ZMYND11: variants seen among roughly 807,000 people sequenced by gnomAD.
ZMYND11 encodes zinc finger MYND domain-containing protein 11.
Under a neutral mutation model 84.9 loss-of-function variants are expected in ZMYND11, and 9 were observed. The observed-to-expected ratio is 0.11, with a 90% CI of 0.06 to 0.18. The LOEUF is 0.18. Ranked by LOEUF, ZMYND11 falls within the 10% of genes least tolerant of loss-of-function variation. ZMYND11 has a pLI of 1.00. For synonymous variants in ZMYND11, 250 were observed against 244.1 expected (o/e 1.02, Z -0.23); for missense variants, 409 against 761.0 (o/e 0.54, Z 5.44).
intron 2 of ZMYND11, among the ~76,000 whole-genome samples, chr10:206,165 G>A (rs1944126471): frequency 6.6e-6 from 1 of 152,084 alleles, no homozygotes; most frequent in African/African-American, 2.4e-5. Context: ...TTCAAGACTA[G>A]CCTGACCAAC....
chr10:138,741 G>A (rs1836743657), intron 1 of ZMYND11, among the ~76,000 whole-genome samples: 1 of 147,054 alleles, frequency 6.8e-6, no homozygotes, highest in Non-Finnish European at 1.5e-5. Context: ...TCAGCAAAGA[G>A]GATGTATCTT....
intron 3 of ZMYND11, among the ~76,000 whole-genome samples, 190 bp from the exon 4 acceptor site, chr10:221,005 C>G (rs1422828311): frequency 2.0e-5 from 3 of 152,180 alleles, no homozygotes; most frequent in African/African-American, 4.8e-5. Context: ...AATATTACCA[C>G]TGTTTTAGGA....
At position 228,494 on chromosome 10, in the gene ZMYND11, C is replaced by T. The variant is rs567733984; in HGVS notation, c.438+7138C>T. ...AAAGTTCATGAACAGAAAATACTTA[C>T]AAAGTACATGCAGTTTCCTTGTGCT... On this transcript the variant is annotated intron_variant, in intron 4 of 14. Transcript: ENST00000381604. Among the ~76,000 whole-genome samples the T allele has an allele frequency of 2.6e-5, 4 of 152,252 alleles. No individual in the cohort carries two copies. In the East Asian group the frequency reaches 5.8e-4, roughly 22 times the overall value.
At chr10:242,890 T>C (rs900490449) in intron 10 of ZMYND11, among the ~76,000 whole-genome samples, 1 of 152,212 alleles carries the variant, frequency 6.6e-6, no homozygotes, top group Non-Finnish European at 1.5e-5. Context: ...AAGGTAGTTC[T>C]GTTCTTTCAT....
intron 1 of ZMYND11, among the ~76,000 whole-genome samples, chr10:173,513 GGA>G (rs1295414992): frequency 1.3e-5 from 2 of 152,080 alleles, no homozygotes; most frequent in African/African-American, 4.8e-5. Flanking sequence ...GCCCAGAATT[GGA>G]GACCAACCTG....
At chr10:173,788 TAAAC>T (rs1441036825) in intron 1 of ZMYND11, among the ~76,000 whole-genome samples, 1 of 152,062 alleles carries the variant, frequency 6.6e-6, no homozygotes, top group African/African-American at 2.4e-5. Flanking sequence ...AGATGACACA[TAAAC>T]ATATGAAAAT....
At position 245,255 on chromosome 10, in the gene ZMYND11, C is replaced by CT. The variant is rs542326437; in HGVS notation, c.951-1510dup. Among the ~76,000 whole-genome samples the CT allele has an allele frequency of 5.6e-4, 85 of 152,278 alleles. 1 individual carries two copies. The highest frequency in any genetic ancestry group is 1.9e-3 in the African/African-American group (81 of 41,558). ...TAAATAATGTTATGGAAGTTCAACTCTAACAATTTTAGCTGTTGTTAGCAT... is the reference window on the plus strand; with the variant it reads ...TAAATAATGTTATGGAAGTTCAACTCTTAACAATTTTAGCTGTTGTTAGCAT... On this transcript the variant is annotated intron_variant, in intron 10 of 14. Coordinates refer to ENST00000381604, the MANE Select transcript of ZMYND11 (RefSeq NM_001370100.5).
At chr10:162,499 A>G (rs1388417822) in intron 1 of ZMYND11, among the ~76,000 whole-genome samples, 2 of 152,112 alleles carry the variant, frequency 1.3e-5, no homozygotes, top group East Asian at 1.9e-4. Flanking sequence ...TTGTAAAACA[A>G]TGAGTTATGC....
chr10:235,618 TAA>T (rs763393096), intron 4 of ZMYND11, among the ~76,000 whole-genome samples: 77 of 152,260 alleles, frequency 5.1e-4, no homozygotes, highest in South Asian at 1.0e-3. Flanking sequence ...CCACGTTGTA[TAA>T]AAGTTTAGTC....
chr10:250,856 C>T (rs1442141029), intron 14 of ZMYND11, among the ~76,000 whole-genome samples: 1 of 152,062 alleles, frequency 6.6e-6, no homozygotes, highest in Non-Finnish European at 1.5e-5. Flanking sequence ...AACCCCATCT[C>T]TACAAAAAAT....
chr10:141,614 T>C (rs963465802), intron 1 of ZMYND11, among the ~76,000 whole-genome samples: 11 of 152,248 alleles, frequency 7.2e-5, no homozygotes, highest in African/African-American at 2.4e-4. Context: ...TGAGGGTTTT[T>C]AAAGCAACTT....
chr10:246,727 TG>T (rs1475095931), intron 10 of ZMYND11, 38 bp from the exon 11 acceptor site: 1 of 1,598,950 alleles, frequency 6.3e-7, no homozygotes, highest in South Asian at 1.1e-5. Flanking sequence ...TCCTGCCATT[TG>T]GGATGTTTCT....
intron 2 of ZMYND11, among the ~76,000 whole-genome samples, chr10:208,228 T>C (rs1054716224): frequency 3.5e-4 from 53 of 152,186 alleles, no homozygotes; most frequent in Non-Finnish European, 6.6e-4. Flanking sequence ...ATTCAGGACA[T>C]AGGCATGGGC....
At chr10:201,030 A>G (rs575589407) in intron 2 of ZMYND11, among the ~76,000 whole-genome samples, 30 of 152,024 alleles carry the variant, frequency 2.0e-4, no homozygotes, top group African/African-American at 6.0e-4. Flanking sequence ...ATACTTCCAT[A>G]GCTTTTATAC....
chr10:243,386 T>G (rs978346946), intron 10 of ZMYND11, among the ~76,000 whole-genome samples: 19 of 152,306 alleles, frequency 1.2e-4, no homozygotes, highest in Non-Finnish European at 7.4e-5. Flanking sequence ...AAACAAGAAT[T>G]CAGTTATTTT....
At position 251,460 on chromosome 10, in the gene ZMYND11, G is replaced by A. The variant is rs78239061; in HGVS notation, c.1687-888G>A. On this transcript the variant is annotated intron_variant, in intron 14 of 14. Coordinates refer to ENST00000381604, the MANE Select transcript of ZMYND11 (RefSeq NM_001370100.5). ...AAATTAGAATGTTTAGGTATCAAAT[G>A]TAGGCTAGTCTCCCTGGGTTCTTCC... 3.3e-4 allele frequency among the ~76,000 whole-genome samples: 51 copies of A among 152,320 alleles called. No individual in the cohort carries two copies. In the East Asian group the frequency reaches 8.9e-3, roughly 27 times the overall value.
At chr10:223,667 T>TAAA (rs1947556854) in intron 4 of ZMYND11, among the ~76,000 whole-genome samples, 1 of 152,182 alleles carries the variant, frequency 6.6e-6, no homozygotes, top group South Asian at 2.1e-4. Flanking sequence ...TTTAGATCCA[T>TAAA]TCTATTGTTT....
chr10:185,794 A>G (rs1321196297), intron 2 of ZMYND11, among the ~76,000 whole-genome samples: 1 of 143,674 alleles, frequency 7.0e-6, no homozygotes, highest in African/African-American at 2.6e-5. Flanking sequence ...CAGCCTGGTC[A>G]ACGAGTGAAA....
intron 1 of ZMYND11, among the ~76,000 whole-genome samples, chr10:164,932 ACTAT>A (rs782291114): frequency 2.0e-5 from 3 of 152,004 alleles, no homozygotes; most frequent in African/African-American, 7.3e-5. Context: ...GGGGCTTGGG[ACTAT>A]CTGATTTTTG....
Sources: allele counts gnomAD v4.1 joint callset (sites outside exome capture counted in the v4.1 genomes callset), GRCh38; gene constraint gnomAD v4.1.1; transcripts MANE v1.5; gene names NCBI Gene and HGNC (gene_info 2026-07-23, HGNC 2026-07-21).